The following CEP112 variants were observed in gnomAD, a reference collection of about 807,000 sequenced individuals.
CEP112 encodes centrosomal protein 112.
Under a neutral mutation model 153.0 loss-of-function variants are expected in CEP112, and 127 were observed. That is an observed-to-expected ratio of 0.83 (90% CI 0.72 to 0.96). The LOEUF is 0.96. Among genes scored for constraint, CEP112 ranks in the 40% least tolerant of loss-of-function variants. The pLI is 0.00. For synonymous variants in CEP112, 358 were observed against 374.4 expected (o/e 0.96, Z 0.51); for missense variants, 1,089 against 1,101.2 (o/e 0.99, Z 0.16).
chr17:66,089,623 T>C (rs1040832938), intron 8 of CEP112, among the ~76,000 whole-genome samples: 2 of 151,768 alleles, frequency 1.3e-5, no homozygotes, highest in African/African-American at 4.8e-5. Flanking sequence ...TTAGAAAATA[T>C]GCAGTCAGAG....
intron 18 of CEP112, among the ~76,000 whole-genome samples, chr17:65,956,409 T>TACACACAC (rs55652336): frequency 4.2e-4 from 62 of 146,722 alleles, no homozygotes; most frequent in African/African-American, 1.5e-3. Context: ...CATACATACA[T>TACACACAC]ACACACACAC....
At chr17:66,064,278 T>C (rs572585725) in intron 10 of CEP112, among the ~76,000 whole-genome samples, 1 of 152,316 alleles carries the variant, frequency 6.6e-6, no homozygotes, top group African/African-American at 2.4e-5. Context: ...AACCCCTCCT[T>C]TCAATATATT....
chr17:66,096,163 T>C, intron 8 of CEP112, 88 bp downstream of exon 8: 1 of 885,024 alleles, frequency 1.1e-6, no homozygotes. Flanking sequence ...GAATATACCA[T>C]TATTTTAACT....
intron 21 of CEP112, among the ~76,000 whole-genome samples, chr17:65,809,858 G>C (rs1270426195): frequency 1.3e-5 from 2 of 151,910 alleles, no homozygotes; most frequent in African/African-American, 2.4e-5. Flanking sequence ...GAAGTGGGGG[G>C]GGGAAGATAA....
At chr17:66,036,357 C>T (rs2065739667) in intron 12 of CEP112, among the ~76,000 whole-genome samples, 1 of 142,486 alleles carries the variant, frequency 7.0e-6, no homozygotes, top group African/African-American at 2.7e-5. Context: ...GTAGATCTCA[C>T]ACTATGTGTT....
chr17:65,753,778 C>A (rs2052038037), intron 21 of CEP112, among the ~76,000 whole-genome samples: 1 of 152,154 alleles, frequency 6.6e-6, no homozygotes, highest in South Asian at 2.1e-4. Context: ...AATATTCACC[C>A]ACTAGAAAAT....
At chr17:65,643,184 A>G (rs1233478398) in intron 24 of CEP112, among the ~76,000 whole-genome samples, 1 of 152,194 alleles carries the variant, frequency 6.6e-6, no homozygotes, top group Non-Finnish European at 1.5e-5. Context: ...ATCCTTGCTC[A>G]TAGGTGAGCT....
chr17:65,974,953 T>TAA (rs34325518), intron 17 of CEP112, among the ~76,000 whole-genome samples: 3 of 147,274 alleles, frequency 2.0e-5, no homozygotes, highest in Non-Finnish European at 4.5e-5. Flanking sequence ...TTTTATTTAC[T>TAA]AAAAAAAAAA....
intron 17 of CEP112, among the ~76,000 whole-genome samples, chr17:65,978,414 C>A (rs1045527342): frequency 3.9e-5 from 6 of 152,200 alleles, no homozygotes; most frequent in African/African-American, 1.2e-4. Context: ...ACTCGGTGTG[C>A]CCCGGAGCAA....
At chr17:66,177,231 CA>C (rs1181193007) in intron 2 of CEP112, among the ~76,000 whole-genome samples, 1 of 152,110 alleles carries the variant, frequency 6.6e-6, no homozygotes, top group East Asian at 1.9e-4. Context: ...ACTCAGAGAC[CA>C]TAAGTAAACA....
chr17:65,665,453 T>A, intron 24 of CEP112, among the ~76,000 whole-genome samples: 1 of 152,256 alleles, frequency 6.6e-6, no homozygotes, highest in East Asian at 1.9e-4. Flanking sequence ...TCTAGGTCTC[T>A]GCTAGAATTA....
Position 65,813,303 on chromosome 17 carries a change from C to T in CEP112, c.2394+38501G>A, listed in dbSNP as rs980509309. ...CCAAATACTCAAGGAAACTCATCAA[C>T]GTAGAAACAAGAAACAGGGAAGGGG... On this transcript the variant is annotated intron_variant, in intron 21 of 26. Transcript: ENST00000535342. Among the ~76,000 whole-genome samples the T allele has an allele frequency of 1.3e-5, 2 of 151,988 alleles. 1 individual carries two copies. The highest frequency in any genetic ancestry group is 4.1e-4 in the South Asian group (2 of 4,826).
At chr17:65,840,290 G>T (rs1568098722) in intron 21 of CEP112, among the ~76,000 whole-genome samples, 1 of 152,072 alleles carries the variant, frequency 6.6e-6, no homozygotes, top group African/African-American at 2.4e-5. Context: ...AACCAAAACA[G>T]CATGGTACTG....
At chr17:66,057,069 G>A (rs2066721071) in intron 11 of CEP112, among the ~76,000 whole-genome samples, 1 of 152,154 alleles carries the variant, frequency 6.6e-6, no homozygotes, top group African/African-American at 2.4e-5. Flanking sequence ...GGAGCCACTA[G>A]GACAATGGGA....
At chr17:66,026,184 T>C (rs1598150158) in intron 16 of CEP112, among the ~76,000 whole-genome samples, 2 of 152,116 alleles carry the variant, frequency 1.3e-5, no homozygotes, top group South Asian at 4.1e-4. Flanking sequence ...AATGGGTACA[T>C]TATTTGGGTA....
chr17:66,125,465 A>G (rs748998597), intron 6 of CEP112, among the ~76,000 whole-genome samples: 43 of 152,184 alleles, frequency 2.8e-4, no homozygotes, highest in African/African-American at 7.7e-4. Context: ...AGTGAGCACT[A>G]TGATCATGCC....
chr17:65,822,232 T>C (rs2056624846), intron 21 of CEP112, among the ~76,000 whole-genome samples: 1 of 152,034 alleles, frequency 6.6e-6, no homozygotes, highest in South Asian at 2.1e-4. Flanking sequence ...CCTATCCATG[T>C]TGGTTTATAT....
intron 18 of CEP112, among the ~76,000 whole-genome samples, chr17:65,933,793 C>T (rs7501480): frequency 0.48 from 72,866 of 152,086 alleles, 18,451 homozygotes; most frequent in East Asian, 0.89. Flanking sequence ...CATAGTCATA[C>T]TCAGAAGACT....
chr17:65,910,598 A>G (rs1354555320), intron 19 of CEP112, among the ~76,000 whole-genome samples: 1 of 152,210 alleles, frequency 6.6e-6, no homozygotes, highest in East Asian at 1.9e-4. Context: ...AAATAACTCC[A>G]TCACAAAATT....
Sources: gnomAD v4.1 joint callset for allele counts (sites outside exome capture counted in the v4.1 genomes callset) on GRCh38, gnomAD v4.1.1 for gene constraint, MANE v1.5 for transcripts, NCBI Gene and HGNC (gene_info 2026-07-23, HGNC 2026-07-21) for gene names.